Variants in PDE4DIP observed in about 807,000 individuals in gnomAD.
The protein encoded by PDE4DIP is myomegalin.
PDE4DIP carries 59 observed loss-of-function variants against 221.4 expected under a neutral mutation model. The ratio of observed to expected loss-of-function variants is 0.27; its 90% CI spans 0.22 to 0.33. The LOEUF is 0.33. PDE4DIP is among the 10% of genes least tolerant of loss of function. The pLI, the probability that PDE4DIP is intolerant of heterozygous loss-of-function variation, is 1.00. For synonymous variants in PDE4DIP, 404 were observed against 815.9 expected (o/e 0.50, Z 8.60); for missense variants, 1,036 against 2,154.2 (o/e 0.48, Z 10.28).
chr1:149,030,323 C>A (rs782209199), intron 43 of PDE4DIP, 45 bp downstream of exon 46: 43 of 1,551,226 alleles, frequency 2.8e-5, no homozygotes, highest in South Asian at 1.1e-4. Context: ...GCCTGTCCCC[C>A]ACCCATCACC....
intron 30 of PDE4DIP, 87 bp downstream of exon 33, chr1:149,009,878 G>A: frequency 2.9e-6 from 3 of 1,017,582 alleles, no homozygotes; most frequent in Non-Finnish European, 4.6e-6. Flanking sequence ...ACCATGGTGT[G>A]TATCAGGCTG....
intron 3 of PDE4DIP, among the ~76,000 whole-genome samples, chr1:148,869,873 A>G (rs1188160274): frequency 1.2e-5 from 1 of 86,202 alleles, no homozygotes; most frequent in Non-Finnish European, 2.2e-5. Flanking sequence ...AATAATGTGT[A>G]AATAGTCTGT....
rs57087176 is a variant in PDE4DIP at position 148,898,527 on chromosome 1, C to CT, written c.141+8649dup. Among the ~76,000 whole-genome samples, 105 of 42,882 alleles carry CT rather than the reference C, an allele frequency of 2.4e-3. 1 individual carries two copies. Among genetic ancestry groups the CT allele is most frequent in the Non-Finnish European group, 2.3e-3 (58 of 25,208 alleles). The allele number at this position is 42,882 out of a possible 152,430, so 28.1% of individuals were successfully genotyped here. ...TGGGAAAAGGCATTTCTTTTTTCTT[C>CT]TTTTTTTTTTTTTTTTGAGATGGAG... On this transcript the variant is annotated intron_variant, in intron 1 of 43. Transcript: ENST00000369354.
At chr1:149,016,395 C>G (rs782457081) in exon 33 of PDE4DIP, 3 of 1,204,768 alleles carry the variant, frequency 2.5e-6, no homozygotes, top group Non-Finnish European at 3.7e-6. Flanking sequence ...CAGCCTCACT[C>G]TCCTCCAAGG....
chr1:148,986,327 T>C (rs1553549524), intron 21 of PDE4DIP: 1 of 152,216 alleles, frequency 6.6e-6, no homozygotes, highest in Non-Finnish European at 1.5e-5. Flanking sequence ...GTATTTTTCA[T>C]TTCTTCATGG....
At chr1:149,005,157 G>T in exon 27 of PDE4DIP, 1 of 1,614,024 alleles carries the variant, frequency 6.2e-7, no homozygotes, top group Non-Finnish European at 8.5e-7. Flanking sequence ...CAAGAGCCGG[G>T]TCCGGTCCCT....
At chr1:149,009,737 A>C in exon 30 of PDE4DIP, 1 of 1,613,890 alleles carries the variant, frequency 6.2e-7, no homozygotes, top group Non-Finnish European at 8.5e-7. Context: ...TGACATGGAC[A>C]TAGTCAGCGA....
intron 1 of PDE4DIP, among the ~76,000 whole-genome samples, chr1:148,827,355 C>T (rs1358347749): frequency 2.9e-5 from 3 of 104,592 alleles, no homozygotes; most frequent in Non-Finnish European, 4.2e-5. Flanking sequence ...CCCGGATTCA[C>T]GCCATTCTCC....
chr1:149,023,095 T>C (rs1208222043), intron 37 of PDE4DIP, among the ~76,000 whole-genome samples: 5 of 152,288 alleles, frequency 3.3e-5, no homozygotes, highest in Admixed American at 3.3e-4. Context: ...TACCTTTCCT[T>C]TCATGCTTTT....
intron 9 of PDE4DIP, among the ~76,000 whole-genome samples, chr1:148,964,346 G>C (rs1337771413): frequency 6.6e-6 from 1 of 151,996 alleles, no homozygotes; most frequent in African/African-American, 2.4e-5. Flanking sequence ...GACCTCTGGT[G>C]ATCTGCCCAC....
At chr1:149,002,596 ACTGAGAAAACATTTC>A (rs2065917235) in intron 24 of PDE4DIP, among the ~76,000 whole-genome samples, 1 of 151,998 alleles carries the variant, frequency 6.6e-6, no homozygotes, top group Non-Finnish European at 1.5e-5. Flanking sequence ...CTTTTTGACC[ACTGAGAAAACATTTC>A]CTGAGAGCTC....
intron 27 of PDE4DIP, among the ~76,000 whole-genome samples, chr1:149,006,867 A>T: frequency 8.8e-6 from 1 of 113,330 alleles, no homozygotes. Context: ...TGCTCAGCTC[A>T]TTTTTTTTGT....
intron 1 of PDE4DIP, among the ~76,000 whole-genome samples, chr1:148,924,553 G>GACTATTTAA: frequency 6.6e-6 from 1 of 151,250 alleles, no homozygotes; most frequent in Non-Finnish European, 1.5e-5. Context: ...AAGTAGTAGA[G>GACTATTTAA]GGACTGAGGT....
exon 23 of PDE4DIP, chr1:148,998,358 C>T (rs782082932): frequency 2.5e-5 from 40 of 1,587,270 alleles, no homozygotes; most frequent in Middle Eastern, 1.7e-4. Context: ...CAGGATTCTC[C>T]TCAGTGTCCC....
At chr1:148,832,456 G>A (rs2590089) in intron 1 of PDE4DIP, among the ~76,000 whole-genome samples, 13,344 of 79,338 alleles carry the variant, frequency 0.17, 17 homozygotes, top group Middle Eastern at 0.24. Flanking sequence ...CCTGGCCAGA[G>A]CTTCCAACAC....
In PDE4DIP at chr1:148,944,208, T is replaced by A. The variant is rs2051100714; in HGVS notation, c.636+6344T>A. ...GGAAGAAGAGAAAGATGTCTTTTGG[T>A]GGTACTCAGAAAGGCAGCTTGGAGG... On this transcript the variant is annotated intron_variant, in intron 5 of 43. Coordinates refer to ENST00000369354, the Ensembl canonical transcript of PDE4DIP. Among the ~76,000 whole-genome samples the A allele has an allele frequency of 2.0e-5, 3 of 152,260 alleles. No individual in the cohort carries two copies. In the East Asian group the frequency reaches 5.8e-4, roughly 29 times the overall value.
intron 1 of PDE4DIP, among the ~76,000 whole-genome samples, chr1:148,826,052 G>A (rs368022885): frequency 2.4e-5 from 2 of 83,344 alleles, no homozygotes; most frequent in Non-Finnish European, 4.9e-5. Context: ...TTTAAACTTC[G>A]CACCTCAGGT....
intron 23 of PDE4DIP, among the ~76,000 whole-genome samples, chr1:149,001,033 C>A (rs587688366): frequency 6.6e-6 from 1 of 151,894 alleles, no homozygotes; most frequent in African/African-American, 2.4e-5. Flanking sequence ...ATGAATAGGA[C>A]AGACACAGTC....
intron 41 of PDE4DIP, among the ~76,000 whole-genome samples, chr1:149,029,397 C>T (rs74718325): frequency 1.3e-5 from 2 of 152,232 alleles, no homozygotes; most frequent in Non-Finnish European, 2.9e-5. Flanking sequence ...TTGCAGACTT[C>T]CCTGAGTCCA....
Sources: allele counts gnomAD v4.1 joint callset (sites outside exome capture counted in the v4.1 genomes callset), GRCh38; gene constraint gnomAD v4.1.1; transcripts MANE v1.5; gene names NCBI Gene and HGNC (gene_info 2026-07-23, HGNC 2026-07-21).